Variants in FKBP5 observed in about 807,000 individuals in gnomAD.
FKBP5 encodes the protein FKBP prolyl isomerase 5.
A neutral mutation model predicts 50.5 loss-of-function variants in FKBP5; 23 were observed. The ratio of observed to expected loss-of-function variants is 0.46; its 90% CI spans 0.33 to 0.65. FKBP5 has a LOEUF of 0.65. Among genes scored for constraint, FKBP5 ranks in the 30% least tolerant of loss-of-function variants. The probability of loss-of-function intolerance (pLI) is 0.02; values close to 1 mark genes in which losing one functional copy is unlikely to be tolerated. For synonymous variants in FKBP5, 176 were observed against 190.6 expected, an observed-to-expected ratio of 0.92 and a Z score of 0.63; for missense variants, 411 against 553.1, an observed-to-expected ratio of 0.74 and a Z score of 2.58.
At chr6:35,665,412 C>T (rs1302389517) in intron 1 of FKBP5, among the ~76,000 whole-genome samples, 2 of 151,848 alleles carry the variant, frequency 1.3e-5, no homozygotes, top group African/African-American at 2.4e-5. Context: ...CTCAGCCTCC[C>T]GAGTAGCTGG....
chr6:35,613,641 CA>C (rs1479960805), intron 5 of FKBP5, among the ~76,000 whole-genome samples: 2 of 152,176 alleles, frequency 1.3e-5, no homozygotes, highest in African/African-American at 2.4e-5. Context: ...TGAACAGGAC[CA>C]CCTTTAGGGT....
intron 3 of FKBP5, among the ~76,000 whole-genome samples, chr6:35,630,570 A>G (rs1268521202): frequency 6.6e-6 from 1 of 152,158 alleles, no homozygotes; most frequent in East Asian, 1.9e-4. Flanking sequence ...TTTCTACTGT[A>G]TATCAGGCAC....
At chr6:35,650,694 C>T (rs1406871486) in intron 1 of FKBP5, among the ~76,000 whole-genome samples, 2 of 151,926 alleles carry the variant, frequency 1.3e-5, no homozygotes, top group Admixed American at 6.6e-5. Flanking sequence ...ATGCTGGTCT[C>T]GAACTCCTTC....
intron 3 of FKBP5, among the ~76,000 whole-genome samples, chr6:35,635,959 A>G (rs1255350777): frequency 6.6e-6 from 1 of 152,232 alleles, no homozygotes; most frequent in Admixed American, 6.5e-5. Context: ...TACAACTTGT[A>G]AGATTCATAA....
intron 3 of FKBP5, among the ~76,000 whole-genome samples, chr6:35,634,608 T>C (rs547155880): frequency 6.6e-6 from 1 of 152,280 alleles, no homozygotes; most frequent in Non-Finnish European, 1.5e-5. Context: ...CTGCTTACTA[T>C]ATTTCCTTTC....
chr6:35,701,283 G>C (rs1212482994), intron 2 of FKBP5, among the ~76,000 whole-genome samples: 18 of 144,476 alleles, frequency 1.2e-4, no homozygotes, highest in African/African-American at 4.6e-4. Context: ...TCGCTCTGTC[G>C]CCCAGGCTGG....
chr6:35,600,920 G>A (rs2150966034), intron 5 of FKBP5, among the ~76,000 whole-genome samples: 1 of 152,264 alleles, frequency 6.6e-6, no homozygotes, highest in East Asian at 1.9e-4. Context: ...CATCATTAGT[G>A]AGGGAAAAAG....
At chr6:35,590,250 G>GATCGC in intron 7 of FKBP5, among the ~76,000 whole-genome samples, 1 of 152,200 alleles carries the variant, frequency 6.6e-6, no homozygotes, top group South Asian at 2.1e-4. Context: ...AGTGAGCTAT[G>GATCGC]ATCGCGCTCA....
chr6:35,627,756 ATCTTT>A (rs1764042655), intron 3 of FKBP5, among the ~76,000 whole-genome samples: 1 of 151,442 alleles, frequency 6.6e-6, no homozygotes, highest in South Asian at 2.1e-4. Context: ...CATATTCTTT[ATCTTT>A]TCTTTTTTCT....
intron 2 of FKBP5, among the ~76,000 whole-genome samples, chr6:35,717,027 G>A (rs1440022101): frequency 6.6e-6 from 1 of 152,114 alleles, no homozygotes; most frequent in Non-Finnish European, 1.5e-5. Context: ...GCTCCTTGGA[G>A]ACCTTTGTTC....
At chr6:35,580,691 C>T (rs1249991678) in intron 8 of FKBP5, 3 of 221,148 alleles carry the variant, frequency 1.4e-5, no homozygotes, top group South Asian at 1.6e-4. Context: ...AGGTGGCCGC[C>T]ACCAAGCCCA....
chr6:35,578,413 G>A (rs983044770), intron 9 of FKBP5, among the ~76,000 whole-genome samples: 2 of 152,086 alleles, frequency 1.3e-5, no homozygotes, highest in African/African-American at 4.8e-5. Flanking sequence ...GAAAGGAGAC[G>A]ACAAATCTGA....
chr6:35,647,160 C>T (rs1029338785), intron 1 of FKBP5, among the ~76,000 whole-genome samples: 1 of 152,182 alleles, frequency 6.6e-6, no homozygotes, highest in Non-Finnish European at 1.5e-5. Flanking sequence ...CTTCCCCTGA[C>T]TCTGAGTGCT....
chr6:35,716,379 A>G (rs1766512596), intron 2 of FKBP5, among the ~76,000 whole-genome samples: 1 of 152,082 alleles, frequency 6.6e-6, no homozygotes, highest in African/African-American at 2.4e-5. Context: ...AAATAAAAAC[A>G]AAATAGGGAA....
At chr6:35,621,682 T>A (rs1763849534) in intron 3 of FKBP5, among the ~76,000 whole-genome samples, 1 of 148,706 alleles carries the variant, frequency 6.7e-6, no homozygotes, top group Admixed American at 6.7e-5. Context: ...ATATTAAGTA[T>A]CTGGGGGCTG....
chr6:35,723,370 A>G (rs1434554699), intron 1 of FKBP5, among the ~76,000 whole-genome samples: 1 of 152,232 alleles, frequency 6.6e-6, no homozygotes, highest in Admixed American at 6.5e-5. Flanking sequence ...GTAAGTGCCC[A>G]CTGGATTAAC....
At chr6:35,578,441 C>T (rs190589589) in intron 9 of FKBP5, among the ~76,000 whole-genome samples, 39 of 152,244 alleles carry the variant, frequency 2.6e-4, no homozygotes, top group African/African-American at 9.4e-4. Context: ...AACATTAAAA[C>T]CTTCTTTAAA....
intron 2 of FKBP5, among the ~76,000 whole-genome samples, chr6:35,709,250 G>C (rs4711426): frequency 2.6e-5 from 4 of 152,004 alleles, no homozygotes; most frequent in Non-Finnish European, 5.9e-5. Flanking sequence ...ATTGGATCTC[G>C]TGAGACTTAT....
intron 2 of FKBP5, among the ~76,000 whole-genome samples, chr6:35,710,073 G>C (rs1401601362): frequency 2.6e-5 from 4 of 152,208 alleles, no homozygotes; most frequent in Non-Finnish European, 5.9e-5. Flanking sequence ...AGAAACAGAA[G>C]GATGCTCAGA....
Sources: allele counts gnomAD v4.1 joint callset (sites outside exome capture counted in the v4.1 genomes callset), GRCh38; gene constraint gnomAD v4.1.1; transcripts MANE v1.5; gene names NCBI Gene and HGNC (gene_info 2026-07-23, HGNC 2026-07-21).